Variants in PPP1R9A observed in about 807,000 individuals in gnomAD.
The protein encoded by PPP1R9A is neurabin-1.
PPP1R9A carries 59 observed loss-of-function variants against 141.9 expected under a neutral mutation model. That is an observed-to-expected ratio of 0.42 (90% CI 0.34 to 0.52). PPP1R9A has a LOEUF of 0.52. Ranked by LOEUF, PPP1R9A falls within the 20% of genes least tolerant of loss-of-function variation. The probability of loss-of-function intolerance (pLI) is 0.10; values close to 1 mark genes in which losing one functional copy is unlikely to be tolerated. For synonymous variants in PPP1R9A, 500 were observed against 569.7 expected (o/e 0.88, Z 1.74); for missense variants, 1,444 against 1,611.9 (o/e 0.90, Z 1.78).
chr7:95,287,533 A>G (rs1805576561), intron 18 of PPP1R9A, among the ~76,000 whole-genome samples: 1 of 152,092 alleles, frequency 6.6e-6, no homozygotes, highest in Admixed American at 6.5e-5. Flanking sequence ...TAGTGGGTCT[A>G]GGAACCAACC....
chr7:95,073,843 A>G (rs1814401190), intron 2 of PPP1R9A, among the ~76,000 whole-genome samples: 1 of 152,014 alleles, frequency 6.6e-6, no homozygotes, highest in African/African-American at 2.4e-5. Context: ...CAGCCTCCCA[A>G]AGTGCTGAGA....
At chr7:95,199,928 C>T (rs1056925429) in intron 6 of PPP1R9A, among the ~76,000 whole-genome samples, 3 of 151,940 alleles carry the variant, frequency 2.0e-5, no homozygotes, top group East Asian at 1.9e-4. Flanking sequence ...TTGATTTTTG[C>T]GTCCTCACTG....
At position 95,269,439 on chromosome 7, in the gene PPP1R9A, C is replaced by T. The variant is rs1434390829; in HGVS notation, c.3056C>T (p.Ser1019Phe). 6.3e-7 allele frequency: 1 copy of T among 1,592,428 alleles called. No individual in the cohort carries two copies. The highest frequency in any genetic ancestry group is 8.5e-7 in the Non-Finnish European group (1 of 1,174,236). Residue 1019 changes from serine to phenylalanine, a missense_variant, in exon 14 of 20, where the codon TCT (serine) becomes TTT (phenylalanine). Ser to Phe is a radical substitution (Grantham distance 155). Coordinates refer to ENST00000433360, the MANE Select transcript of PPP1R9A (RefSeq NM_001166160.2). ...ACTTCACTGTTTTCTACTTCAAAGT[C>T]TGATCATGATGTGGAAGAATCTCCT... ...GDTSLFSTSK[S>F]DHDVEESPCH...
chr7:95,001,788 C>T (rs1391202713), intron 2 of PPP1R9A, among the ~76,000 whole-genome samples: 1 of 152,076 alleles, frequency 6.6e-6, no homozygotes, highest in Non-Finnish European at 1.5e-5. Flanking sequence ...AAGACAAAGC[C>T]ATTTATTAAA....
chr7:95,260,346 A>G (rs964259157), intron 12 of PPP1R9A, among the ~76,000 whole-genome samples: 3 of 152,152 alleles, frequency 2.0e-5, no homozygotes, highest in South Asian at 4.1e-4. Context: ...CGTAGAATCC[A>G]CCAGACCCTT....
At chr7:95,217,227 A>G (rs1457464570) in intron 7 of PPP1R9A, among the ~76,000 whole-genome samples, 1 of 152,132 alleles carries the variant, frequency 6.6e-6, no homozygotes. Flanking sequence ...TGAGATAATC[A>G]TGTGGTTTTT....
At chr7:94,912,719 A>G (rs1562982777) in intron 2 of PPP1R9A, among the ~76,000 whole-genome samples, 1 of 152,206 alleles carries the variant, frequency 6.6e-6, no homozygotes, top group Non-Finnish European at 1.5e-5. Context: ...TTATTTACAG[A>G]TGTTAGCAGG....
intron 7 of PPP1R9A, among the ~76,000 whole-genome samples, chr7:95,218,900 G>A (rs1397545191): frequency 1.3e-5 from 2 of 152,162 alleles, no homozygotes; most frequent in African/African-American, 4.8e-5. Flanking sequence ...ACAGCACACT[G>A]ATGGGTCTTG....
At position 95,161,880 on chromosome 7, in the gene PPP1R9A, G is replaced by A. The variant is rs1563336050; in HGVS notation, c.1663G>A (p.Asp555Asn). ...AQRDGRIQVN[D>N]QIVEVDGISL... ...CTCTTTCTAAAGAATACAAGTCAAT[G>A]ACCAGATTGTGGAAGTGGATGGAAT... Residue 555 changes from aspartate (D) to asparagine (N), a missense_variant, in exon 5 of 20, where the codon GAC becomes AAC. This residue lies in a region of PPP1R9A where 488 missense variants were observed against 542.0 expected (regional missense o/e 0.90). Transcript: ENST00000433360. The A allele has an allele frequency of 1.9e-6, 3 of 1,607,834 alleles. No homozygotes were observed. The highest frequency in any genetic ancestry group is 3.4e-5 in the Admixed American group (2 of 59,268).
chr7:95,191,959 A>G (rs890037972), intron 5 of PPP1R9A, among the ~76,000 whole-genome samples: 5 of 152,098 alleles, frequency 3.3e-5, no homozygotes, highest in African/African-American at 9.6e-5. Flanking sequence ...AGAAATATCA[A>G]TTGATTTGGT....
intron 5 of PPP1R9A, among the ~76,000 whole-genome samples, chr7:95,163,989 T>C (rs554644147): frequency 6.6e-6 from 1 of 152,286 alleles, no homozygotes; most frequent in South Asian, 2.1e-4. Context: ...CCACCCACCT[T>C]AGCCTCCCAA....
At chr7:95,019,708 C>T (rs1365557885) in intron 2 of PPP1R9A, among the ~76,000 whole-genome samples, 1 of 152,152 alleles carries the variant, frequency 6.6e-6, no homozygotes, top group Non-Finnish European at 1.5e-5. Flanking sequence ...TTTTATCTTA[C>T]TCTACATCCA....
At chr7:94,922,007 A>G (rs1344077485) in intron 2 of PPP1R9A, among the ~76,000 whole-genome samples, 1 of 151,874 alleles carries the variant, frequency 6.6e-6, no homozygotes, top group East Asian at 1.9e-4. Context: ...TATGATTTTC[A>G]TATCTGTATT....
intron 5 of PPP1R9A, among the ~76,000 whole-genome samples, chr7:95,184,788 G>A (rs1055092809): frequency 3.3e-5 from 5 of 152,070 alleles, no homozygotes; most frequent in African/African-American, 1.2e-4. Context: ...TGCTGCAAAT[G>A]TCATTATTTT....
intron 18 of PPP1R9A, chr7:95,287,026 T>G: frequency 7.1e-7 from 1 of 1,415,436 alleles, no homozygotes. Context: ...ATTTTAATTT[T>G]ATTAAAATTA....
chr7:95,049,154 A>C (rs1050298794), intron 2 of PPP1R9A, among the ~76,000 whole-genome samples: 1 of 152,194 alleles, frequency 6.6e-6, no homozygotes, highest in Non-Finnish European at 1.5e-5. Context: ...TGCCGGAAAG[A>C]GATATGCATA....
At chr7:95,274,878 T>C (rs1802875624) in intron 16 of PPP1R9A, among the ~76,000 whole-genome samples, 1 of 152,208 alleles carries the variant, frequency 6.6e-6, no homozygotes, top group Non-Finnish European at 1.5e-5. Context: ...TGAGTTACCC[T>C]CTGTGCCTTC....
chr7:95,281,698 C>T (rs554118314), intron 16 of PPP1R9A, among the ~76,000 whole-genome samples: 1 of 151,972 alleles, frequency 6.6e-6, no homozygotes. Flanking sequence ...TTATTTTGTC[C>T]CTATTTGCTT....
chr7:95,143,296 T>TG (rs1170499710), intron 4 of PPP1R9A, among the ~76,000 whole-genome samples: 8 of 152,186 alleles, frequency 5.3e-5, no homozygotes, highest in Non-Finnish European at 1.0e-4. Context: ...TTGGTCTGGT[T>TG]TAGTCTTTAT....
Sources: gnomAD v4.1 joint callset for allele counts (sites outside exome capture counted in the v4.1 genomes callset) on GRCh38, gnomAD v4.1.1 for gene constraint, gnomAD v4.1.1 regional missense constraint, MANE v1.5 for transcripts, NCBI Gene and HGNC (gene_info 2026-07-23, HGNC 2026-07-21) for gene names.